Variants in C20orf204 observed in about 807,000 individuals in gnomAD.
C20orf204 encodes the protein chromosome 20 open reading frame 204.
C20orf204 carries 6 observed loss-of-function variants against 3.6 expected under a neutral mutation model. That is an observed-to-expected ratio of 1.68 (90% CI 0.92 to 3.31). The LOEUF is 3.31. Among genes scored for constraint, C20orf204 ranks in the 30% most tolerant of loss-of-function variants. C20orf204 has a pLI of 0.00. For synonymous variants in C20orf204, 80 were observed against 41.4 expected, an observed-to-expected ratio of 1.93 and a Z score of -3.58; for missense variants, 167 against 89.7, an observed-to-expected ratio of 1.86 and a Z score of -3.48.
chr20:64,034,048 C>G (rs1313798093), upstream of C20orf204, among the ~76,000 whole-genome samples: 1 of 152,202 alleles, frequency 6.6e-6, no homozygotes, highest in African/African-American at 2.4e-5. Context: ...CTAGAGACAT[C>G]TGGCTGGAGG....
chr20:64,033,923 C>T (rs1034688229), upstream of C20orf204, among the ~76,000 whole-genome samples: 8 of 152,240 alleles, frequency 5.3e-5, no homozygotes, highest in African/African-American at 1.2e-4. Flanking sequence ...GTTGATCACC[C>T]GAGAGACTTG....
chr20:64,037,909 A>C lies in C20orf204; in HGVS notation c.4-18A>C, dbSNP rs759923943. The C allele has an allele frequency of 9.8e-5, 42 of 427,990 alleles. No individual in the cohort carries two copies. The highest frequency in any genetic ancestry group is 1.7e-4 in the Non-Finnish European group (42 of 242,322). 26.5% of individuals were successfully genotyped at this position (427,990 alleles called of 1,614,324 possible). ...GGAACACCCCCCAGGCCTAACCCCAACCTGCTGTCTCCTCCAGGTACCCCC... is the reference window on the plus strand; with the variant it reads ...GGAACACCCCCCAGGCCTAACCCCACCCTGCTGTCTCCTCCAGGTACCCCC... On this transcript the variant is annotated intron_variant, in intron 1 of 3. Coordinates refer to ENST00000636176, the MANE Select transcript of C20orf204 (RefSeq NM_001387010.1).
At chr20:64,035,965 A>G (rs1161076199), upstream of C20orf204, 3 of 152,398 alleles carry the variant, frequency 2.0e-5, no homozygotes, top group East Asian at 1.9e-4. Flanking sequence ...ACAGAACAGT[A>G]TCTCTGGGAC....
rs756539439 is a variant in C20orf204 at position 64,038,777 on chromosome 20, C to G, written c.*18C>G. The G allele has an allele frequency of 1.4e-6, 1 of 697,898 alleles. No homozygotes were observed. Among genetic ancestry groups the G allele is most frequent in the Non-Finnish European group, 2.7e-6 (1 of 377,060 alleles). 43.2% of individuals were successfully genotyped at this position (697,898 alleles called of 1,614,324 possible). ...ACTCCTAGCGCGGCCCGTCCTGGCC[C>G]TGCGCGGGGAGGAGAACCAGCGGGG... On this transcript the variant is annotated 3_prime_UTR_variant, in exon 4 of 4. Coordinates refer to ENST00000636176, the MANE Select transcript of C20orf204 (RefSeq NM_001387010.1).
upstream of C20orf204, chr20:64,034,823 C>A (rs2059332066): frequency 6.5e-6 from 1 of 153,864 alleles, no homozygotes; most frequent in Non-Finnish European, 1.4e-5. Context: ...GTTTGTGAGC[C>A]AGCCCGGCCC....
rs2059343884 is a variant in C20orf204, at chr20:64,037,965, G to A, written c.42G>A (p.Ala14=). The A allele has an allele frequency of 2.0e-6, 1 of 490,276 alleles. No homozygotes were observed. Among genetic ancestry groups the A allele is most frequent in the Non-Finnish European group, 3.6e-6 (1 of 279,520 alleles). 30.4% of individuals were successfully genotyped at this position (490,276 alleles called of 1,614,324 possible). A position where few individuals can be genotyped will look rare whatever the true frequency, so the allele number is the denominator to read the frequency against. ...PKPALWALLL[A]LLGTAPSRAY... is the part of the protein sequence containing the mutation. ...CTGCACTCTGGGCGCTCCTGCTGGC[G>A]CTGCTGGGGACCGCGCCAAGCCGCG... The change falls in exon 2 of 4, where the codon GCG becomes GCA. Residue 14 remains alanine, a synonymous_variant. Coordinates refer to ENST00000636176, the MANE Select transcript of C20orf204 (RefSeq NM_001387010.1).
Position 64,038,106 on chromosome 20 carries a change from A to G in C20orf204, c.183A>G (p.Pro61=), listed in dbSNP as rs1217090194. The part of the protein sequence containing the change: ...WGGAGAEKTR[P]GSRHFHFIQK... ...GGGCGGGGGCCGAAAAGACCAGGCC[A>G]GGCTCCAGACACTTTCATTTCATAC... The change falls in exon 2 of 4, where the codon CCA becomes CCG. Residue 61 remains proline, a synonymous_variant. Transcript: ENST00000636176. 5.8e-6 allele frequency: 3 copies of G among 519,252 alleles called. No homozygotes were observed. The highest frequency in any genetic ancestry group is 4.1e-5 in the African/African-American group (2 of 49,160). The allele number at this position is 519,252 out of a possible 1,614,324, so 32.2% of individuals were successfully genotyped here.
chr20:64,033,914 T>G (rs958227543), upstream of C20orf204, among the ~76,000 whole-genome samples: 2 of 152,262 alleles, frequency 1.3e-5, no homozygotes, highest in African/African-American at 4.8e-5. Context: ...AGGTTGAACG[T>G]TGATCACCCG....
chr20:64,038,076 G>T lies in C20orf204; in HGVS notation c.153G>T (p.Trp51Cys). 2.0e-6 allele frequency: 1 copy of T among 509,352 alleles called. No individual in the cohort carries two copies. Among genetic ancestry groups the T allele is most frequent in the Non-Finnish European group, 3.5e-6 (1 of 286,732 alleles). 31.6% of individuals were successfully genotyped at this position (509,352 alleles called of 1,614,324 possible). A position where few individuals can be genotyped will look rare whatever the true frequency, so the allele number is the denominator to read the frequency against. ...IFEDLQAAVK[W>C]GGAGAEKTRP... ...AGGATCTGCAGGCCGCCGTGAAGTG[G>T]GGCGGGGCGGGGGCCGAAAAGACCA... Residue 51 changes from tryptophan (W) to cysteine (C), a missense_variant, in exon 2 of 4, where the codon TGG (tryptophan) becomes TGT (cysteine). Coordinates refer to ENST00000636176, the MANE Select transcript of C20orf204 (RefSeq NM_001387010.1).
chr20:64,037,724 A>C (rs968353879), intron 1 of C20orf204: 1 of 397,826 alleles, frequency 2.5e-6, no homozygotes, highest in African/African-American at 2.1e-5. Flanking sequence ...TTGCAGACCT[A>C]TCTCTTGTGT....
In C20orf204 at chr20:64,038,886, G is replaced by T. The variant is rs1190808433; in HGVS notation, c.*127G>T. 2.7e-6 allele frequency: 2 copies of T among 734,698 alleles called. No homozygotes were observed. The highest frequency in any genetic ancestry group is 5.0e-6 in the Non-Finnish European group (2 of 396,582). The allele number at this position is 734,698 out of a possible 1,614,324, so 45.5% of individuals were successfully genotyped here. On this transcript the variant is annotated 3_prime_UTR_variant, in exon 4 of 4. Transcript: ENST00000636176. ...TCGCTCGACGCAGCCCGCGCTCCCCGGAGGGCCCAGGACTTGGAGAAGGGA... is the reference window on the plus strand; with the variant it reads ...TCGCTCGACGCAGCCCGCGCTCCCCTGAGGGCCCAGGACTTGGAGAAGGGA...
At position 64,038,015 on chromosome 20, in the gene C20orf204, C is replaced by G; in HGVS notation, c.92C>G (p.Pro31Arg). 1 of 525,206 alleles carries G rather than the reference C, an allele frequency of 1.9e-6. No homozygotes were observed. Among genetic ancestry groups the G allele is most frequent in the Non-Finnish European group, 3.3e-6 (1 of 299,682 alleles). The allele number at this position is 525,206 out of a possible 1,614,324, so 32.5% of individuals were successfully genotyped here. A position where few individuals can be genotyped will look rare whatever the true frequency, so the allele number is the denominator to read the frequency against. The part of the protein sequence containing the change: ...SRAYSPACSV[P>R]DVLRHYRAII... ...GCCTATTCCCCGGCCTGCAGCGTCCCCGACGTGCTCCGCCACTATCGCGCC... is the reference window on the plus strand; with the variant it reads ...GCCTATTCCCCGGCCTGCAGCGTCCGCGACGTGCTCCGCCACTATCGCGCC... Residue 31 changes from proline to arginine, a missense_variant, in exon 2 of 4, where the codon CCC (proline) becomes CGC (arginine). Coordinates refer to ENST00000636176, the MANE Select transcript of C20orf204 (RefSeq NM_001387010.1).
In C20orf204 at chr20:64,038,801, G is replaced by A. The variant is rs778601659; in HGVS notation, c.*42G>A. ...CCTGCGCGGGGAGGAGAACCAGCGG[G>A]GCCGCGGCAGAGCCTGGAGACGCGC... On this transcript the variant is annotated 3_prime_UTR_variant, in exon 4 of 4. Coordinates refer to ENST00000636176, the MANE Select transcript of C20orf204 (RefSeq NM_001387010.1). 24 of 697,440 alleles carry A rather than the reference G, an allele frequency of 3.4e-5. 1 individual carries two copies. The highest frequency in any genetic ancestry group is 3.3e-4 in the South Asian group (22 of 66,148). 43.2% of individuals were successfully genotyped at this position (697,440 alleles called of 1,614,324 possible). A position where few individuals can be genotyped will look rare whatever the true frequency, so the allele number is the denominator to read the frequency against.
At chr20:64,038,570 C>CGGGCCGGGCGCGG in intron 3 of C20orf204, 52 bp from the exon 4 acceptor site, 1 of 517,712 alleles carries the variant, frequency 1.9e-6, no homozygotes, top group Non-Finnish European at 3.4e-6. Flanking sequence ...CTTCCCGGGC[C>CGGGCCGGGCGCGG]GGGCCGGGCG....
At chr20:64,035,402 C>G (rs932541484), upstream of C20orf204, 1 of 152,256 alleles carries the variant, frequency 6.6e-6, no homozygotes, top group African/African-American at 2.4e-5. Context: ...GTGGTCTGTT[C>G]TTGACTATTG....
In C20orf204 at chr20:64,038,205, A is replaced by T; in HGVS notation, c.279+3A>T. On this transcript the variant is annotated splice_donor_region_variant and intron_variant, in intron 2 of 3. Transcript: ENST00000636176. ...GGGCCTCCTGTGGCGCCCAGAAGGTATGGAGGAGGCGCCCCTACCCAAGCT... is the reference window on the plus strand; with the variant it reads ...GGGCCTCCTGTGGCGCCCAGAAGGTTTGGAGGAGGCGCCCCTACCCAAGCT... The T allele has an allele frequency of 1.4e-6, 1 of 696,320 alleles. No homozygotes were observed. The highest frequency in any genetic ancestry group is 2.6e-6 in the Non-Finnish European group (1 of 377,728). 43.1% of individuals were successfully genotyped at this position (696,320 alleles called of 1,614,324 possible). A position where few individuals can be genotyped will look rare whatever the true frequency, so the allele number is the denominator to read the frequency against.
chr20:64,038,777 C>T lies in C20orf204; in HGVS notation c.*18C>T, dbSNP rs756539439. On this transcript the variant is annotated 3_prime_UTR_variant, in exon 4 of 4. Coordinates refer to ENST00000636176, the MANE Select transcript of C20orf204 (RefSeq NM_001387010.1). ...ACTCCTAGCGCGGCCCGTCCTGGCC[C>T]TGCGCGGGGAGGAGAACCAGCGGGG... The T allele has an allele frequency of 2.4e-5, 17 of 697,780 alleles. No homozygotes were observed. The highest frequency in any genetic ancestry group is 1.8e-4 in the Admixed American group (9 of 48,712). 43.2% of individuals were successfully genotyped at this position (697,780 alleles called of 1,614,324 possible).
upstream of C20orf204, among the ~76,000 whole-genome samples, chr20:64,034,058 G>A (rs572152936): frequency 6.6e-6 from 1 of 152,344 alleles, no homozygotes; most frequent in Admixed American, 6.5e-5. Context: ...CTGGCTGGAG[G>A]TCATGGCTGG....
At chr20:64,036,886 C>G (rs2059339373) in intron 1 of C20orf204, 1 of 152,456 alleles carries the variant, frequency 6.6e-6, no homozygotes, top group Non-Finnish European at 1.5e-5. Flanking sequence ...GCCCCCAGCT[C>G]TATGCAAGGG....
Sources: allele counts gnomAD v4.1 joint callset (sites outside exome capture counted in the v4.1 genomes callset), GRCh38; gene constraint gnomAD v4.1.1; transcripts MANE v1.5; gene names NCBI Gene and HGNC (gene_info 2026-07-23, HGNC 2026-07-21).